Variants in OR5A2 observed in about 807,000 individuals in gnomAD.
OR5A2 encodes olfactory receptor 5A2.
For missense variants in OR5A2, 406 were observed against 398.9 expected (o/e 1.02, Z -0.15); for synonymous variants, 155 against 151.1 (o/e 1.03, Z -0.19).
rs1005513745 is a variant in OR5A2 at position 59,418,307 on chromosome 11, G to C, written c.*3672C>G. The C allele has an allele frequency of 1.3e-5, 2 of 152,080 alleles. No individual in the cohort carries two copies. The highest frequency in any genetic ancestry group is 4.8e-5 in the African/African-American group (2 of 41,428). 9.4% of individuals were successfully genotyped at this position (152,080 alleles called of 1,614,324 possible). ...ACAGATGGATAATTGTGCCACTGGC[G>C]TAAGTTCAAGCTTGGCAGCTTTGTT... On this transcript the variant is annotated 3_prime_UTR_variant, in exon 2 of 2. Transcript: ENST00000302040.
Position 59,422,128 on chromosome 11 carries a change from A to T in OR5A2, c.826T>A (p.Ser276Thr), listed in dbSNP as rs545525790. 9 of 1,614,114 alleles carry T rather than the reference A, an allele frequency of 5.6e-6. No individual in the cohort carries two copies. Among genetic ancestry groups the T allele is most frequent in the Non-Finnish European group, 6.8e-6 (8 of 1,180,014 alleles). ...GGGATCACCAAGGCATAGAATATGGACACCACCTTGTCCCTGTTTAGGGAG... is the reference window on the plus strand; with the variant it reads ...GGGATCACCAAGGCATAGAATATGGTCACCACCTTGTCCCTGTTTAGGGAG... ...SYSLNRDKVV[S>T]IFYALVIPVV... Residue 276 changes from serine to threonine, a missense_variant, in exon 2 of 2, where the codon TCC (serine) becomes ACC (threonine). Ser to Thr is a moderately conservative substitution (Grantham distance 58). Transcript: ENST00000302040.
rs549080934 is a variant in OR5A2 at position 59,417,601 on chromosome 11, T to C, written c.*4378A>G. 6.6e-6 allele frequency: 1 copy of C among 152,182 alleles called. No homozygotes were observed. The highest frequency in any genetic ancestry group is 2.4e-5 in the African/African-American group (1 of 41,566). 9.4% of individuals were successfully genotyped at this position (152,182 alleles called of 1,614,324 possible). The stretch of plus-strand genomic sequence containing the variant: ...AGAACGTGCTGGCATACATGGCGTA[T>C]CACCTTACATGCAAGATAGTCAGGT... On this transcript the variant is annotated 3_prime_UTR_variant, in exon 2 of 2. Transcript: ENST00000302040.
chr11:59,418,367 T>G lies in OR5A2; in HGVS notation c.*3612A>C, dbSNP rs918174670. On this transcript the variant is annotated 3_prime_UTR_variant, in exon 2 of 2. Coordinates refer to ENST00000302040, the MANE Select transcript of OR5A2 (RefSeq NM_001001954.2). Reference sequence around the variant, plus strand: ...AAATTAAATCTGTCATTCTGGCTTATGCAGATAGCTATTCTGAGCTTGGTT... The same window carrying G: ...AAATTAAATCTGTCATTCTGGCTTAGGCAGATAGCTATTCTGAGCTTGGTT... 6.6e-6 allele frequency: 1 copy of G among 152,186 alleles called. No individual in the cohort carries two copies. The highest frequency in any genetic ancestry group is 2.4e-5 in the African/African-American group (1 of 41,468). The allele number at this position is 152,186 out of a possible 1,614,324, so 9.4% of individuals were successfully genotyped here.
rs1287601879 is a variant in OR5A2 at position 59,420,434 on chromosome 11, A to G, written c.*1545T>C. ...TTGGATAATGATTAAGCATTATATA[A>G]TAATAATAATAGTAATAGCACCTCT... On this transcript the variant is annotated 3_prime_UTR_variant, in exon 2 of 2. Transcript: ENST00000302040. The G allele has an allele frequency of 6.6e-6, 1 of 152,096 alleles. No homozygotes were observed. The highest frequency in any genetic ancestry group is 2.4e-5 in the African/African-American group (1 of 41,434). The allele number at this position is 152,096 out of a possible 1,614,324, so 9.4% of individuals were successfully genotyped here.
At chr11:59,424,635 A>G (rs1391110785) in intron 1 of OR5A2, 2 of 152,178 alleles carry the variant, frequency 1.3e-5, no homozygotes, top group Non-Finnish European at 2.9e-5. Context: ...GGAAATACAA[A>G]TGCGTATAAA....
In OR5A2 at chr11:59,423,695, G is replaced by T. The variant is rs923223069; in HGVS notation, c.-91-651C>A. ...TAATTGTATATATGTGTATGTTTGT[G>T]CATATATATGCACACACACACTTAG... On this transcript the variant is annotated intron_variant, in intron 1 of 1. Coordinates refer to ENST00000302040, the MANE Select transcript of OR5A2 (RefSeq NM_001001954.2). 223 of 151,918 alleles carry T rather than the reference G, an allele frequency of 1.5e-3. 4 individuals are homozygous for T. Among genetic ancestry groups the T allele is most frequent in the Admixed American group, 0.015 (222 of 15,228 alleles). The allele number at this position is 151,918 out of a possible 1,614,324, so 9.4% of individuals were successfully genotyped here. A position where few individuals can be genotyped will look rare whatever the true frequency, so the allele number is the denominator to read the frequency against.
At chr11:59,424,088 G>C (rs1858265882) in intron 1 of OR5A2, 1 of 152,236 alleles carries the variant, frequency 6.6e-6, no homozygotes, top group Admixed American at 6.5e-5. Flanking sequence ...TGGCAGTTAA[G>C]AAAGACAGAC....
rs1033354015 is a variant in OR5A2, at chr11:59,417,011, G to A, written c.*4968C>T. Reference sequence around the variant, plus strand: ...AAAGATGTTTTATTAGAACAAACAAGAATATACCATACAATATCAAAGTGA... The same window carrying A: ...AAAGATGTTTTATTAGAACAAACAAAAATATACCATACAATATCAAAGTGA... On this transcript the variant is annotated 3_prime_UTR_variant, in exon 2 of 2. Coordinates refer to ENST00000302040, the MANE Select transcript of OR5A2 (RefSeq NM_001001954.2). 6.6e-6 allele frequency: 1 copy of A among 152,018 alleles called. No homozygotes were observed. The highest frequency in any genetic ancestry group is 1.5e-5 in the Non-Finnish European group (1 of 67,962). 9.4% of individuals were successfully genotyped at this position (152,018 alleles called of 1,614,324 possible). A position where few individuals can be genotyped will look rare whatever the true frequency, so the allele number is the denominator to read the frequency against.
chr11:59,425,178 G>A (rs975592093), intron 1 of OR5A2: 2 of 152,234 alleles, frequency 1.3e-5, no homozygotes, highest in Non-Finnish European at 2.9e-5. Flanking sequence ...CTGAGCATCA[G>A]GGATCAGAGT....
chr11:59,422,163 C>G lies in OR5A2; in HGVS notation c.791G>C (p.Ser264Thr). ...GTCCCTGTTTAGGGAGTAGCTGGAA[C>G]TGGGTCGCATGTACATGAAGAATCC... is the stretch of plus-strand genomic sequence containing the variant. ...GSGFFMYMRP[S>T]SSYSLNRDKV... The change falls in exon 2 of 2, where the codon AGT (serine) becomes ACT (threonine). Residue 264 changes from serine to threonine, a missense_variant. Coordinates refer to ENST00000302040, the MANE Select transcript of OR5A2 (RefSeq NM_001001954.2). 6.2e-7 allele frequency: 1 copy of G among 1,614,116 alleles called. No homozygotes were observed. Among genetic ancestry groups the G allele is most frequent in the Admixed American group, 1.7e-5 (1 of 60,010 alleles).
In OR5A2 at chr11:59,422,226, G is replaced by T. The variant is rs1182155897; in HGVS notation, c.728C>A (p.Ala243Asp). 2 of 1,613,996 alleles carry T rather than the reference G, an allele frequency of 1.2e-6. No homozygotes were observed. Among genetic ancestry groups the T allele is most frequent in the Admixed American group, 1.7e-5 (1 of 59,980 alleles). Reference sequence around the variant, plus strand: ...GAGGGTCACAGCAGTCAGGTGAGAGGCACAAGTGCTGAAGGCCTTTGTCCT... The same window carrying T: ...GAGGGTCACAGCAGTCAGGTGAGAGTCACAAGTGCTGAAGGCCTTTGTCCT... ...TGRTKAFSTCASHLTAVTLFY... is the reference protein window; with the variant it reads ...TGRTKAFSTCDSHLTAVTLFY... The change falls in exon 2 of 2, where the codon GCC becomes GAC. Residue 243 changes from alanine (A) to aspartate (D), a missense_variant. Transcript: ENST00000302040.
Position 59,417,682 on chromosome 11 carries a change from A to C in OR5A2, c.*4297T>G, listed in dbSNP as rs1486166160. ...CCAGATTCATTATCTAGACACAAGC[A>C]AGTGAAATACAAATGATTCCTCATT... On this transcript the variant is annotated 3_prime_UTR_variant, in exon 2 of 2. Coordinates refer to ENST00000302040, the MANE Select transcript of OR5A2 (RefSeq NM_001001954.2). 1.3e-5 allele frequency: 2 copies of C among 152,084 alleles called. No homozygotes were observed. The highest frequency in any genetic ancestry group is 3.9e-4 in the East Asian group (2 of 5,172). 9.4% of individuals were successfully genotyped at this position (152,084 alleles called of 1,614,324 possible).
intron 1 of OR5A2, chr11:59,424,163 G>A (rs1283214606): frequency 6.6e-6 from 1 of 152,228 alleles, no homozygotes; most frequent in African/African-American, 2.4e-5. Flanking sequence ...CCAGCACTTT[G>A]GGAGGTGGAG....
At chr11:59,424,072 C>T (rs1165099072) in intron 1 of OR5A2, 1 of 152,182 alleles carries the variant, frequency 6.6e-6, no homozygotes, top group African/African-American at 2.4e-5. Context: ...TAAGCCCATA[C>T]ATATCTGGCA....
Position 59,422,560 on chromosome 11 carries a change from G to A in OR5A2, c.394C>T (p.Leu132Phe). ...DRYAAICNPL[L>F]YTVLISHTLC... is the part of the protein sequence containing the mutation. ...GTATGGGATATGAGGACTGTGTAAAGCAAGGGGTTGCAGATTGCAGCATAC... is the reference window on the plus strand; with the variant it reads ...GTATGGGATATGAGGACTGTGTAAAACAAGGGGTTGCAGATTGCAGCATAC... Residue 132 changes from leucine to phenylalanine, a missense_variant, in exon 2 of 2, where the codon CTT becomes TTT. Physicochemically the swap from Leu to Phe is conservative, Grantham distance 22. Coordinates refer to ENST00000302040, the MANE Select transcript of OR5A2 (RefSeq NM_001001954.2). The A allele has an allele frequency of 1.2e-6, 2 of 1,614,170 alleles. No individual in the cohort carries two copies. Among genetic ancestry groups the A allele is most frequent in the Non-Finnish European group, 1.7e-6 (2 of 1,180,032 alleles).
rs1858202287 is a variant in OR5A2 at position 59,419,894 on chromosome 11, G to GGGAA, written c.*2081_*2084dup. 2 of 152,116 alleles carry GGGAA rather than the reference G, an allele frequency of 1.3e-5. No homozygotes were observed. Among genetic ancestry groups the GGGAA allele is most frequent in the South Asian group, 4.1e-4 (2 of 4,824 alleles). The allele number at this position is 152,116 out of a possible 1,614,324, so 9.4% of individuals were successfully genotyped here. A position where few individuals can be genotyped will look rare whatever the true frequency, so the allele number is the denominator to read the frequency against. ...TCTTAGTTGATTATCTCCTAGATCA[G>GGGAA]GGAAGGAAGGAAGGAAAACAAAGTG... On this transcript the variant is annotated 3_prime_UTR_variant, in exon 2 of 2. Transcript: ENST00000302040.
Position 59,417,457 on chromosome 11 carries a change from A to G in OR5A2, c.*4522T>C, listed in dbSNP as rs1051288399. On this transcript the variant is annotated 3_prime_UTR_variant, in exon 2 of 2. Transcript: ENST00000302040. The stretch of plus-strand genomic sequence containing the variant: ...CACAAGAAGAGAGAGGGTAGAATAA[A>G]GGCAGCAAAGGTCAATATAAACACC... 1 of 152,258 alleles carries G rather than the reference A, an allele frequency of 6.6e-6. No homozygotes were observed. The highest frequency in any genetic ancestry group is 2.4e-5 in the African/African-American group (1 of 41,436). 9.4% of individuals were successfully genotyped at this position (152,258 alleles called of 1,614,324 possible). A position where few individuals can be genotyped will look rare whatever the true frequency, so the allele number is the denominator to read the frequency against.
In OR5A2 at chr11:59,422,439, G is replaced by A. The variant is rs1453547; in HGVS notation, c.515C>T (p.Pro172Leu). ...YSVYQHDFCG[P>L]YMINHFFCDL... ...ACAGAAAAAGTGGTTGATCATATAGGGCCCACAGAAATCATGCTGATAGAC... is the reference window on the plus strand; with the variant it reads ...ACAGAAAAAGTGGTTGATCATATAGAGCCCACAGAAATCATGCTGATAGAC... The change falls in exon 2 of 2, where the codon CCC (proline) becomes CTC (leucine). Residue 172 changes from proline to leucine, a missense_variant. Transcript: ENST00000302040. 391,476 of 1,613,804 alleles carry A rather than the reference G, an allele frequency of 0.24. 51,105 individuals carry two copies. Among genetic ancestry groups the A allele is most frequent in the Non-Finnish European group, 0.27 (320,442 of 1,179,842 alleles).
In OR5A2 at chr11:59,421,061, G is replaced by A. The variant is rs1468247588; in HGVS notation, c.*918C>T. 6.6e-6 allele frequency: 1 copy of A among 152,148 alleles called. No individual in the cohort carries two copies. The highest frequency in any genetic ancestry group is 1.5e-5 in the Non-Finnish European group (1 of 68,076). The allele number at this position is 152,148 out of a possible 1,614,324, so 9.4% of individuals were successfully genotyped here. On this transcript the variant is annotated 3_prime_UTR_variant, in exon 2 of 2. Transcript: ENST00000302040. The stretch of plus-strand genomic sequence containing the variant: ...AGGTAATTCATAAAGAGATTTAATT[G>A]GCTCACAGTTCTTCAGGCTTTACAG...
Sources: gnomAD v4.1 joint callset for allele counts on GRCh38, gnomAD v4.1.1 for gene constraint, MANE v1.5 for transcripts, NCBI Gene and HGNC (gene_info 2026-07-23, HGNC 2026-07-21) for gene names.